Variants in OMA1 observed in about 807,000 individuals in gnomAD.
OMA1 encodes the protein metalloendopeptidase OMA1, mitochondrial.
OMA1 carries 38 observed loss-of-function variants against 30.9 expected under a neutral mutation model. The ratio of observed to expected loss-of-function variants is 1.23; its 90% CI spans 0.95 to 1.61. The LOEUF (loss-of-function observed/expected upper bound fraction) is 1.61, where lower values mean the gene tolerates loss of function less well. OMA1 is among the 40% of genes most tolerant of loss of function. OMA1 has a pLI of 0.00. For missense variants in OMA1, 461 were observed against 349.2 expected, an observed-to-expected ratio of 1.32 and a Z score of -2.55; for synonymous variants, 173 against 121.9, an observed-to-expected ratio of 1.42 and a Z score of -2.76.
chr1:58,495,909 A>G (rs1342739500), intron 8 of OMA1, among the ~76,000 whole-genome samples: 1 of 152,186 alleles, frequency 6.6e-6, no homozygotes, highest in Non-Finnish European at 1.5e-5. Context: ...TTACCTAGGT[A>G]GCTTGTAAAA....
intron 8 of OMA1, among the ~76,000 whole-genome samples, chr1:58,502,503 T>A (rs373747039): frequency 2.6e-5 from 4 of 152,328 alleles, no homozygotes; most frequent in East Asian, 3.9e-4. Flanking sequence ...TGCTGTATTC[T>A]CAACTGCCTT....
intron 1 of OMA1, among the ~76,000 whole-genome samples, chr1:58,545,468 G>T (rs1484918237): frequency 6.6e-6 from 1 of 151,702 alleles, no homozygotes; most frequent in Admixed American, 6.6e-5. Flanking sequence ...ATCTATTCAT[G>T]CATTTTCAAG....
intron 8 of OMA1, among the ~76,000 whole-genome samples, chr1:58,497,090 T>A (rs1320413391): frequency 6.6e-6 from 1 of 152,120 alleles, no homozygotes; most frequent in African/African-American, 2.4e-5. Flanking sequence ...AAAATATCCT[T>A]CCCAAAATTT....
At chr1:58,534,609 G>T (rs1431994879) in intron 3 of OMA1, among the ~76,000 whole-genome samples, 4 of 152,270 alleles carry the variant, frequency 2.6e-5, no homozygotes, top group Admixed American at 2.0e-4. Flanking sequence ...GAATACTTAA[G>T]TATTATTTCT....
chr1:58,506,033 G>A (rs777584942), intron 8 of OMA1, 27 bp downstream of exon 8: 18 of 828,286 alleles, frequency 2.2e-5, no homozygotes, highest in Non-Finnish European at 3.4e-5. Context: ...TAAAAATAAT[G>A]TCCCGCCTTC....
chr1:58,520,947 C>A (rs1646252610), intron 7 of OMA1, among the ~76,000 whole-genome samples: 1 of 152,086 alleles, frequency 6.6e-6, no homozygotes, highest in Non-Finnish European at 1.5e-5. Flanking sequence ...ACAAAATTGA[C>A]ACACTTGGCA....
chr1:58,485,040 G>C (rs1645550611), intron 8 of OMA1, among the ~76,000 whole-genome samples: 1 of 151,838 alleles, frequency 6.6e-6, no homozygotes, highest in South Asian at 2.1e-4. Context: ...AACCCTAATG[G>C]ACTTTGGGTG....
chr1:58,499,461 G>A (rs1257295571), intron 8 of OMA1, among the ~76,000 whole-genome samples: 1 of 123,970 alleles, frequency 8.1e-6, no homozygotes, highest in Non-Finnish European at 1.8e-5. Flanking sequence ...CTCCAGCCTA[G>A]GGAACAAAGC....
In OMA1 at chr1:58,530,654, G is replaced by C. The variant is rs1646421374; in HGVS notation, c.1087C>G (p.Pro363Ala). Residue 363 changes from proline to alanine, a missense_variant, in exon 6 of 9, where the codon CCT (proline) becomes GCT (alanine). By Grantham distance (27) the Pro-to-Ala change is conservative. Coordinates refer to ENST00000371226, the MANE Select transcript of OMA1 (RefSeq NM_145243.5). Reference sequence around the variant, plus strand: ...CACAAAAGTGCCAAGCTATCTCGAGGACAAATGGCCCAAATCATTGTGAGG... The same window carrying C: ...CACAAAAGTGCCAAGCTATCTCGAGCACAAATGGCCCAAATCATTGTGAGG... ...IFLTMIWAICPRDSLALLCQW... is the reference protein window; with the variant it reads ...IFLTMIWAICARDSLALLCQW... 1 of 872,704 alleles carries C rather than the reference G, an allele frequency of 1.1e-6. No homozygotes were observed. Among genetic ancestry groups the C allele is most frequent in the Non-Finnish European group, 2.0e-6 (1 of 501,588 alleles). 54.1% of individuals were successfully genotyped at this position (872,704 alleles called of 1,614,324 possible).
chr1:58,527,368 A>G, intron 6 of OMA1, 33 bp from the exon 7 acceptor site: 1 of 862,582 alleles, frequency 1.2e-6, no homozygotes, highest in South Asian at 1.3e-5. Flanking sequence ...CTCCATTAAG[A>G]CAATTTATTT....
At chr1:58,498,636 T>C (rs1287600604) in intron 8 of OMA1, among the ~76,000 whole-genome samples, 2 of 152,156 alleles carry the variant, frequency 1.3e-5, no homozygotes, top group African/African-American at 4.8e-5. Context: ...ATAAAGGAAA[T>C]CTCTAAGACA....
At chr1:58,521,520 TG>T (rs1275625005) in intron 7 of OMA1, among the ~76,000 whole-genome samples, 1 of 151,834 alleles carries the variant, frequency 6.6e-6, no homozygotes, top group Admixed American at 6.6e-5. Flanking sequence ...TTGATGAAAG[TG>T]ATAAAATCTA....
At chr1:58,505,913 A>C in intron 8 of OMA1, 147 bp downstream of exon 8, 1 of 521,998 alleles carries the variant, frequency 1.9e-6, no homozygotes, top group Non-Finnish European at 3.3e-6. Flanking sequence ...TTTTCAGTCA[A>C]ATTCTGTGAC....
intron 8 of OMA1, among the ~76,000 whole-genome samples, chr1:58,505,031 C>T (rs1337080719): frequency 1.3e-5 from 2 of 152,108 alleles, no homozygotes; most frequent in Non-Finnish European, 2.9e-5. Flanking sequence ...CGGCTCACTA[C>T]AACTTCTGCC....
rs994783933 is a variant in OMA1 at position 58,538,862 on chromosome 1, C to T, written c.433G>A (p.Ala145Thr). 1 of 871,780 alleles carries T rather than the reference C, an allele frequency of 1.1e-6. No individual in the cohort carries two copies. The allele number at this position is 871,780 out of a possible 1,614,324, so 54.0% of individuals were successfully genotyped here. The change falls in exon 2 of 9, where the codon GCT becomes ACT. Residue 145 changes from alanine to threonine, a missense_variant. By Grantham distance (58) the Ala-to-Thr change is moderately conservative (BLOSUM62 0). Coordinates refer to ENST00000371226, the MANE Select transcript of OMA1 (RefSeq NM_145243.5). ...ATCATCAACAAGAGAGGAACCGGAGCAGCTTGAAACCGTGGAGAAGTATGG... is the reference window on the plus strand; with the variant it reads ...ATCATCAACAAGAGAGGAACCGGAGTAGCTTGAAACCGTGGAGAAGTATGG... ...NFHTSPRFQA[A>T]PVPLLLMILK...
intron 8 of OMA1, among the ~76,000 whole-genome samples, chr1:58,492,638 C>T (rs1483748849): frequency 1.3e-5 from 2 of 152,152 alleles, no homozygotes; most frequent in Non-Finnish European, 2.9e-5. Context: ...CTATAAACAC[C>T]TCTACACAAA....
chr1:58,485,228 T>TAAAAAAAAACAAAAAAAAAAAA (rs1645556160), intron 8 of OMA1, among the ~76,000 whole-genome samples: 1 of 42,036 alleles, frequency 2.4e-5, no homozygotes, highest in Non-Finnish European at 4.1e-5. Flanking sequence ...AGTCTACTAC[T>TAAAAAAAAACAAAAAAAAAAAA]AAAAAAAAAA....
At chr1:58,540,637 T>C (rs1483226700) in intron 1 of OMA1, among the ~76,000 whole-genome samples, 1 of 147,824 alleles carries the variant, frequency 6.8e-6, no homozygotes, top group African/African-American at 2.5e-5. Context: ...ATTAACATTG[T>C]AGAAATAAAG....
chr1:58,496,007 G>T (rs1645795027), intron 8 of OMA1, among the ~76,000 whole-genome samples: 1 of 151,994 alleles, frequency 6.6e-6, no homozygotes, highest in South Asian at 2.1e-4. Context: ...GATACTCTGG[G>T]AATCTCCTAA....
Sources: gnomAD v4.1 joint callset for allele counts (sites outside exome capture counted in the v4.1 genomes callset) on GRCh38, gnomAD v4.1.1 for gene constraint, MANE v1.5 for transcripts, NCBI Gene and HGNC (gene_info 2026-07-23, HGNC 2026-07-21) for gene names.